XRCC4: variants seen among roughly 807,000 people sequenced by gnomAD.
XRCC4 encodes DNA repair protein XRCC4.
XRCC4 carries 28 observed loss-of-function variants against 39.1 expected under a neutral mutation model. The observed-to-expected ratio is 0.72, with a 90% CI of 0.53 to 0.98. The LOEUF (loss-of-function observed/expected upper bound fraction) is 0.98. Among genes scored for constraint, XRCC4 ranks in the 50% least tolerant of loss-of-function variants. XRCC4 has a pLI of 0.00. For synonymous variants in XRCC4, 123 were observed against 126.4 expected (o/e 0.97, Z 0.18); for missense variants, 350 against 376.4 (o/e 0.93, Z 0.58).
rs114842345 is a variant in XRCC4, at chr5:83,106,899, A to G, written c.139+1841A>G. ...TGCGAAAAAAGAAAATAAATTGTTCATTTTAGAGTTAGCATGTTTTTGAAT... is the reference window on the plus strand; with the variant it reads ...TGCGAAAAAAGAAAATAAATTGTTCGTTTTAGAGTTAGCATGTTTTTGAAT... On this transcript the variant is annotated intron_variant, in intron 2 of 7. Coordinates refer to ENST00000396027, the MANE Select transcript of XRCC4 (RefSeq NM_003401.5). Among the ~76,000 whole-genome samples the G allele has an allele frequency of 8.8e-3, 1,344 of 152,126 alleles. 16 individuals carry two copies. The highest frequency in any genetic ancestry group is 0.03 in the African/African-American group (1,252 of 41,550).
At chr5:83,340,939 G>C (rs572211644) in intron 7 of XRCC4, among the ~76,000 whole-genome samples, 1 of 152,042 alleles carries the variant, frequency 6.6e-6, no homozygotes, top group Non-Finnish European at 1.5e-5. Flanking sequence ...TAAAAGTAGA[G>C]TTCTGTTTTC....
chr5:83,146,985 T>C (rs1202379852), intron 3 of XRCC4, among the ~76,000 whole-genome samples: 1 of 152,228 alleles, frequency 6.6e-6, no homozygotes, highest in Non-Finnish European at 1.5e-5. Context: ...CAGTTAATCA[T>C]ACTGAATCTG....
intron 7 of XRCC4, among the ~76,000 whole-genome samples, chr5:83,316,542 G>C (rs1434852938): frequency 4.0e-5 from 6 of 150,680 alleles, no homozygotes; most frequent in Admixed American, 2.0e-4. Flanking sequence ...AAAAAGGCAG[G>C]GGTTGCAATC....
intron 6 of XRCC4, among the ~76,000 whole-genome samples, chr5:83,209,825 T>C (rs1056248319): frequency 2.0e-5 from 3 of 152,140 alleles, no homozygotes; most frequent in African/African-American, 7.2e-5. Flanking sequence ...TTCACTCTTT[T>C]TAGCTGCATA....
chr5:83,219,271 G>T (rs754636992), intron 6 of XRCC4, among the ~76,000 whole-genome samples: 13 of 152,040 alleles, frequency 8.6e-5, no homozygotes, highest in Non-Finnish European at 1.8e-4. Flanking sequence ...TAGGTCCTGG[G>T]AGTTCAGACT....
At chr5:83,263,425 C>T (rs1461906044) in intron 7 of XRCC4, among the ~76,000 whole-genome samples, 1 of 151,354 alleles carries the variant, frequency 6.6e-6, no homozygotes, top group Non-Finnish European at 1.5e-5. Flanking sequence ...TCCACACTGA[C>T]TTCCACAATG....
chr5:83,328,336 T>C (rs894686017), intron 7 of XRCC4, among the ~76,000 whole-genome samples: 1 of 152,106 alleles, frequency 6.6e-6, no homozygotes, highest in Non-Finnish European at 1.5e-5. Context: ...CATATCAATA[T>C]TCATAGTGCA....
At chr5:83,129,876 A>G (rs757252113) in intron 3 of XRCC4, among the ~76,000 whole-genome samples, 2 of 152,080 alleles carry the variant, frequency 1.3e-5, no homozygotes, top group African/African-American at 2.4e-5. Context: ...GCCTGAGATG[A>G]TGGGGTTTTC....
At chr5:83,289,353 T>C (rs935717134) in intron 7 of XRCC4, among the ~76,000 whole-genome samples, 1 of 151,958 alleles carries the variant, frequency 6.6e-6, no homozygotes, top group Admixed American at 6.6e-5. Context: ...AAGCTGGACA[T>C]GTATCAGGTG....
intron 7 of XRCC4, among the ~76,000 whole-genome samples, chr5:83,312,887 A>G (rs1755752207): frequency 6.6e-6 from 1 of 152,136 alleles, no homozygotes; most frequent in African/African-American, 2.4e-5. Context: ...TCTTAGTGAA[A>G]TTGTCTTGAC....
intron 7 of XRCC4, among the ~76,000 whole-genome samples, chr5:83,265,737 C>T (rs1447308991): frequency 6.6e-6 from 1 of 151,952 alleles, no homozygotes; most frequent in Non-Finnish European, 1.5e-5. Flanking sequence ...CCTTTTAAAG[C>T]ATGATTATTA....
intron 7 of XRCC4, among the ~76,000 whole-genome samples, chr5:83,309,299 ATATAT>A (rs1755617927): frequency 1.3e-4 from 10 of 77,084 alleles, no homozygotes; most frequent in African/African-American, 1.9e-4. Flanking sequence ...AAAAAAAAAT[ATATAT>A]ATATATATAT....
At chr5:83,246,144 ATATC>A (rs1753092496) in intron 6 of XRCC4, among the ~76,000 whole-genome samples, 1 of 151,990 alleles carries the variant, frequency 6.6e-6, no homozygotes, top group Non-Finnish European at 1.5e-5. Context: ...ATAGATTTCT[ATATC>A]TATCTATGTA....
At chr5:83,237,136 T>A (rs909959276) in intron 6 of XRCC4, among the ~76,000 whole-genome samples, 2 of 152,198 alleles carry the variant, frequency 1.3e-5, no homozygotes, top group South Asian at 4.1e-4. Context: ...ACAGCCTCTA[T>A]GAGAGAACAA....
intron 7 of XRCC4, among the ~76,000 whole-genome samples, chr5:83,270,768 A>T (rs952792299): frequency 1.0e-4 from 14 of 136,798 alleles, no homozygotes; most frequent in African/African-American, 3.8e-4. Flanking sequence ...CGAAAAAAAA[A>T]ATATATACAT....
In XRCC4 at chr5:83,326,384, T is replaced by G. The variant is rs182434849; in HGVS notation, c.894-26747T>G. Reference sequence around the variant, plus strand: ...TTTCTTCTAGGATTTTTATAGTTTTTGGGTTTTACATTTAAGTGCCTAGTT... The same window carrying G: ...TTTCTTCTAGGATTTTTATAGTTTTGGGGTTTTACATTTAAGTGCCTAGTT... On this transcript the variant is annotated intron_variant, in intron 7 of 7. Coordinates refer to ENST00000396027, the MANE Select transcript of XRCC4 (RefSeq NM_003401.5). 1.7e-3 allele frequency among the ~76,000 whole-genome samples: 258 copies of G among 152,152 alleles called. 2 individuals are homozygous for G. The highest frequency in any genetic ancestry group is 6.0e-3 in the African/African-American group (251 of 41,552).
chr5:83,296,580 AATTT>A (rs1477445029), intron 7 of XRCC4, among the ~76,000 whole-genome samples: 6 of 152,090 alleles, frequency 3.9e-5, no homozygotes, highest in Admixed American at 3.9e-4. Flanking sequence ...ATGATAAAAA[AATTT>A]ATTTATTTTA....
chr5:83,109,242 T>C (rs1182030311), intron 2 of XRCC4, among the ~76,000 whole-genome samples: 1 of 151,816 alleles, frequency 6.6e-6, no homozygotes, highest in Non-Finnish European at 1.5e-5. Flanking sequence ...ACTAATGTTG[T>C]TTTTCAAAAT....
chr5:83,298,393 A>C (rs1755166607), intron 7 of XRCC4, among the ~76,000 whole-genome samples: 1 of 151,896 alleles, frequency 6.6e-6, no homozygotes, highest in Non-Finnish European at 1.5e-5. Flanking sequence ...TTATCTCTTT[A>C]TAGTTGTCAA....
Sources: allele counts gnomAD v4.1 joint callset (sites outside exome capture counted in the v4.1 genomes callset), GRCh38; gene constraint gnomAD v4.1.1; transcripts MANE v1.5; gene names NCBI Gene and HGNC (gene_info 2026-07-23, HGNC 2026-07-21).